Variants in CACNA2D1 observed in about 807,000 individuals in gnomAD.
CACNA2D1 encodes the protein voltage-dependent calcium channel subunit alpha-2/delta-1.
Under a neutral mutation model 171.5 loss-of-function variants are expected in CACNA2D1, and 53 were observed. The ratio of observed to expected loss-of-function variants is 0.31; its 90% CI spans 0.25 to 0.39. The LOEUF (loss-of-function observed/expected upper bound fraction) is 0.39. Among genes scored for constraint, CACNA2D1 ranks in the 10% least tolerant of loss-of-function variants. CACNA2D1 has a pLI of 1.00. For synonymous variants in CACNA2D1, 442 were observed against 443.1 expected (o/e 1.00, Z 0.03); for missense variants, 903 against 1,299.8 (o/e 0.69, Z 4.69).
At chr7:82,275,887 T>G (rs1366958588) in intron 3 of CACNA2D1, among the ~76,000 whole-genome samples, 1 of 152,212 alleles carries the variant, frequency 6.6e-6, no homozygotes, top group Non-Finnish European at 1.5e-5. Context: ...CAGATCAAAA[T>G]GGACTTCTGA....
intron 1 of CACNA2D1, among the ~76,000 whole-genome samples, chr7:82,387,764 C>T (rs1563473491): frequency 6.6e-6 from 1 of 152,104 alleles, no homozygotes; most frequent in Non-Finnish European, 1.5e-5. Flanking sequence ...TTCAGGTTCA[C>T]AGTGAAGTTG....
At chr7:82,097,916 C>G (rs1032765102) in intron 6 of CACNA2D1, among the ~76,000 whole-genome samples, 2 of 152,074 alleles carry the variant, frequency 1.3e-5, no homozygotes, top group African/African-American at 4.8e-5. Flanking sequence ...GAGTTCAAGA[C>G]CAGCCTGGCC....
chr7:82,391,542 A>ACC (rs1825121970), intron 1 of CACNA2D1, among the ~76,000 whole-genome samples: 2 of 152,186 alleles, frequency 1.3e-5, no homozygotes, highest in Non-Finnish European at 2.9e-5. Flanking sequence ...TATAGCCCAA[A>ACC]AATGTTACAC....
intron 4 of CACNA2D1, among the ~76,000 whole-genome samples, chr7:82,167,029 T>C (rs1164031696): frequency 1.3e-5 from 2 of 152,066 alleles, no homozygotes; most frequent in Non-Finnish European, 2.9e-5. Context: ...CTACTTACAC[T>C]TGAGGGAAGA....
intron 18 of CACNA2D1, among the ~76,000 whole-genome samples, chr7:82,004,685 T>C (rs1489690984): frequency 1.3e-5 from 2 of 152,108 alleles, no homozygotes; most frequent in Non-Finnish European, 1.5e-5. Flanking sequence ...CTTCAAAGTA[T>C]AACAATAACT....
At chr7:82,355,641 C>T (rs748413786) in intron 1 of CACNA2D1, among the ~76,000 whole-genome samples, 1 of 152,050 alleles carries the variant, frequency 6.6e-6, no homozygotes, top group Admixed American at 6.6e-5. Flanking sequence ...CCTCTTGAGA[C>T]CCGTGCTCCT....
intron 3 of CACNA2D1, among the ~76,000 whole-genome samples, chr7:82,214,945 T>C (rs998536849): frequency 6.6e-6 from 1 of 152,158 alleles, no homozygotes; most frequent in Non-Finnish European, 1.5e-5. Context: ...AGTCAGCATC[T>C]CAAAGAACAA....
intron 4 of CACNA2D1, among the ~76,000 whole-genome samples, chr7:82,143,278 A>C (rs185101855): frequency 7.2e-5 from 11 of 152,320 alleles, no homozygotes; most frequent in Admixed American, 3.3e-4. Context: ...ACCTGCATTC[A>C]TATTATGTGA....
chr7:82,071,114 G>C (rs190081660), intron 7 of CACNA2D1, among the ~76,000 whole-genome samples: 1 of 152,096 alleles, frequency 6.6e-6, no homozygotes, highest in Non-Finnish European at 1.5e-5. Context: ...CCTGATCTGC[G>C]GCAATGCTGT....
At chr7:81,987,805 G>GAT (rs1797124913) in intron 21 of CACNA2D1, among the ~76,000 whole-genome samples, 3 of 152,144 alleles carry the variant, frequency 2.0e-5, no homozygotes, top group Non-Finnish European at 4.4e-5. Flanking sequence ...AGAGAACAGT[G>GAT]ATATGTATGG....
chr7:82,138,169 AT>A (rs1447308533), intron 4 of CACNA2D1, among the ~76,000 whole-genome samples: 3 of 151,908 alleles, frequency 2.0e-5, no homozygotes, highest in Admixed American at 2.0e-4. Flanking sequence ...TACCACAGAA[AT>A]CTGCCTGTTT....
In CACNA2D1 at chr7:82,217,937, A is replaced by T. The variant is rs1042623059; in HGVS notation, c.295-47328T>A. ...TATTTATTTATTTATTTATTTATTT[A>T]TATTTTTATTTTTTTGAGAGGGAGT... On this transcript the variant is annotated intron_variant, in intron 3 of 38. Transcript: ENST00000356860. 4.9e-4 allele frequency among the ~76,000 whole-genome samples: 70 copies of T among 143,700 alleles called. 1 individual carries two copies. The highest frequency in any genetic ancestry group is 9.1e-4 in the Non-Finnish European group (60 of 65,628). 94.3% of individuals were successfully genotyped at this position (143,700 alleles called of 152,430 possible).
intron 1 of CACNA2D1, among the ~76,000 whole-genome samples, chr7:82,360,217 A>G (rs554716895): frequency 1.3e-4 from 20 of 152,200 alleles, no homozygotes; most frequent in Non-Finnish European, 2.1e-4. Flanking sequence ...ATAGACTGTC[A>G]TAGCCCTAGG....
At chr7:82,295,844 G>C (rs2129420250) in intron 3 of CACNA2D1, among the ~76,000 whole-genome samples, 1 of 152,040 alleles carries the variant, frequency 6.6e-6, no homozygotes, top group Non-Finnish European at 1.5e-5. Flanking sequence ...CAATAGCAAA[G>C]ACTTGGAACC....
chr7:81,995,221 T>A (rs1797919887), intron 19 of CACNA2D1, among the ~76,000 whole-genome samples: 1 of 152,302 alleles, frequency 6.6e-6, no homozygotes, highest in East Asian at 1.9e-4. Flanking sequence ...TGTTCAATTA[T>A]ATTATGGCTA....
chr7:82,112,569 T>C (rs1157075233), intron 6 of CACNA2D1, among the ~76,000 whole-genome samples: 2 of 152,186 alleles, frequency 1.3e-5, no homozygotes, highest in African/African-American at 2.4e-5. Context: ...CCTCTGCCTT[T>C]TATACAACTA....
At chr7:81,970,789 A>T (rs778669125) in intron 26 of CACNA2D1, 52 bp from the exon 27 acceptor site, 1 of 1,083,440 alleles carries the variant, frequency 9.2e-7, no homozygotes, top group Non-Finnish European at 1.4e-6. Flanking sequence ...ATTCTAAAAA[A>T]CAAAGTTAGG....
intron 16 of CACNA2D1, among the ~76,000 whole-genome samples, chr7:82,007,079 A>T (rs142410690): frequency 3.8e-4 from 58 of 152,268 alleles, no homozygotes; most frequent in African/African-American, 1.1e-3. Context: ...TAAGTACAAG[A>T]TAAATAATTT....
chr7:81,991,867 C>G (rs1458304988), intron 20 of CACNA2D1, among the ~76,000 whole-genome samples: 10 of 150,438 alleles, frequency 6.6e-5, no homozygotes, highest in African/African-American at 2.5e-4. Context: ...CGGAGTATCG[C>G]TCTGTCACCC....
Sources: allele counts gnomAD v4.1 joint callset (sites outside exome capture counted in the v4.1 genomes callset), GRCh38; gene constraint gnomAD v4.1.1; transcripts MANE v1.5; gene names NCBI Gene and HGNC (gene_info 2026-07-23, HGNC 2026-07-21).